The following PCDHA8 variants were observed in gnomAD, a reference collection of about 807,000 sequenced individuals.
PCDHA8 encodes the protein protocadherin alpha 8, also known as protocadherin alpha-8.
In PCDHA8, 53 loss-of-function variants were observed where a neutral mutation model predicts 61.8. The ratio of observed to expected loss-of-function variants is 0.86; its 90% CI spans 0.69 to 1.08. The LOEUF is 1.08. Ranked by LOEUF, PCDHA8 falls within the 50% of genes least tolerant of loss-of-function variation. PCDHA8 has a pLI of 0.00. For synonymous variants in PCDHA8, 618 were observed against 556.6 expected (o/e 1.11, Z -1.55); for missense variants, 1,293 against 1,245.0 (o/e 1.04, Z -0.58).
chr5:140,999,537 C>G, intron 3 of PCDHA8, among the ~76,000 whole-genome samples: 1 of 152,266 alleles, frequency 6.6e-6, no homozygotes, highest in Non-Finnish European at 1.5e-5. Context: ...CTGGATATGA[C>G]AGCCAATGAA....
At chr5:140,986,951 T>C (rs1421822972) in intron 3 of PCDHA8, among the ~76,000 whole-genome samples, 1 of 152,128 alleles carries the variant, frequency 6.6e-6, no homozygotes, top group Non-Finnish European at 1.5e-5. Context: ...TGGTCGCTCA[T>C]GCCTGTAATT....
At position 140,850,209 on chromosome 5, in the gene PCDHA8, G is replaced by C. The variant is rs17844333; in HGVS notation, c.2394+6494G>C. ...GGCGCTGCTGACACCTCGGATGAGG[G>C]GCACTGACGGCGCAGTGAGCGAGAT... On this transcript the variant is annotated intron_variant, in intron 1 of 3. Coordinates refer to ENST00000531613, the MANE Select transcript of PCDHA8 (RefSeq NM_018911.3). 7.0e-3 allele frequency: 11,231 copies of C among 1,593,568 alleles called. 1,600 individuals carry two copies. The Admixed American group carries it at 0.15, about 21-fold the overall frequency.
At chr5:140,979,525 T>A (rs1347519268) in intron 2 of PCDHA8, among the ~76,000 whole-genome samples, 1 of 152,244 alleles carries the variant, frequency 6.6e-6, no homozygotes, top group Non-Finnish European at 1.5e-5. Flanking sequence ...TGTTGCTATC[T>A]TATTGTCATC....
In PCDHA8 at chr5:140,855,370, A is replaced by C. The variant is rs1007316942; in HGVS notation, c.2394+11655A>C. Among the ~76,000 whole-genome samples the C allele has an allele frequency of 2.7e-5, 4 of 150,058 alleles. 1 individual carries two copies. Among genetic ancestry groups the C allele is most frequent in the Non-Finnish European group, 6.0e-5 (4 of 67,120 alleles). On this transcript the variant is annotated intron_variant, in intron 1 of 3. Transcript: ENST00000531613. ...AGTCATGTGGCTAGTGAGTAGGATA[A>C]TAGGAATCTAAATGGAGAAATGTCT...
At chr5:140,999,049 A>G (rs962383659) in intron 3 of PCDHA8, among the ~76,000 whole-genome samples, 2 of 152,332 alleles carry the variant, frequency 1.3e-5, no homozygotes, top group Non-Finnish European at 2.9e-5. Context: ...TGTGCTTTCC[A>G]CCATGCCTAA....
intron 1 of PCDHA8, chr5:140,966,926 C>G (rs782811757): frequency 1.9e-6 from 3 of 1,603,462 alleles, no homozygotes; most frequent in Admixed American, 1.7e-5. Flanking sequence ...GGAGCAGGCA[C>G]CCGGCGCGCT....
Position 140,940,419 on chromosome 5 carries a change from A to G in PCDHA8, c.2395-38530A>G, listed in dbSNP as rs890018340. Among the ~76,000 whole-genome samples, 3 of 152,002 alleles carry G rather than the reference A, an allele frequency of 2.0e-5. No homozygotes were observed. The East Asian group carries it at 5.8e-4, about 29-fold the overall frequency. ...GTTTTTCATTTTAAAAATTATAATT[A>G]TTACTGATCAAGTCTGCCATGATAT... On this transcript the variant is annotated intron_variant, in intron 1 of 3. Transcript: ENST00000531613.
At chr5:140,971,435 T>A (rs1188604248) in intron 1 of PCDHA8, among the ~76,000 whole-genome samples, 1 of 152,190 alleles carries the variant, frequency 6.6e-6, no homozygotes, top group Non-Finnish European at 1.5e-5. Flanking sequence ...AACCCCAAGA[T>A]CTACAGCTCC....
At chr5:140,879,208 A>C (rs546096733) in intron 1 of PCDHA8, among the ~76,000 whole-genome samples, 1 of 152,362 alleles carries the variant, frequency 6.6e-6, no homozygotes, top group East Asian at 1.9e-4. Context: ...ATGGCAGTAG[A>C]AATGAATTGA....
chr5:140,977,122 AG>A (rs2096747423), intron 1 of PCDHA8, among the ~76,000 whole-genome samples: 1 of 152,226 alleles, frequency 6.6e-6, no homozygotes, highest in South Asian at 2.1e-4. Flanking sequence ...TAATGAACTG[AG>A]TTTCCTGGTC....
rs1356851691 is a variant in PCDHA8 at position 140,842,933 on chromosome 5, C to A, written c.1612C>A (p.Arg538Ser). The A allele has an allele frequency of 3.8e-6, 6 of 1,594,424 alleles. No individual in the cohort carries two copies. The highest frequency in any genetic ancestry group is 4.3e-6 in the Non-Finnish European group (5 of 1,165,458). ...GCTGCTGCAGTTCCAGGTGAGCGCG[C>A]GCGACGCGGGCGTGCCGCCTCTGGG... Reference protein sequence around the residue: ...LELLQFQVSARDAGVPPLGSN... With the variant: ...LELLQFQVSASDAGVPPLGSN... Residue 538 changes from arginine to serine, a missense_variant, in exon 1 of 4, where the codon CGC (arginine) becomes AGC (serine). Physicochemically the swap from Arg to Ser is moderately radical, Grantham distance 110. Transcript: ENST00000531613.
intron 1 of PCDHA8, among the ~76,000 whole-genome samples, chr5:140,905,788 G>T (rs1217429620): frequency 2.6e-5 from 4 of 152,046 alleles, no homozygotes; most frequent in Non-Finnish European, 4.4e-5. Flanking sequence ...ATTAGTCAGG[G>T]TTCTCTAGAG....
rs2150356889 is a variant in PCDHA8 at position 140,843,304 on chromosome 5, C to G, written c.1983C>G (p.Ala661=). 2.5e-6 allele frequency: 4 copies of G among 1,595,876 alleles called. No individual in the cohort carries two copies. Among genetic ancestry groups the G allele is most frequent in the Middle Eastern group, 1.7e-4 (1 of 6,020 alleles). The change falls in exon 1 of 4, where the codon GCC becomes GCG. Residue 661 remains alanine (A), a synonymous_variant. Coordinates refer to ENST00000531613, the MANE Select transcript of PCDHA8 (RefSeq NM_018911.3). ...VKDHGEPALT[A]TATVLVSLVE... Reference sequence around the variant, plus strand: ...ATCATGGTGAACCTGCGCTGACCGCCACGGCCACGGTTCTGGTGTCGCTGG... The same window carrying G: ...ATCATGGTGAACCTGCGCTGACCGCGACGGCCACGGTTCTGGTGTCGCTGG...
chr5:140,929,614 A>G (rs1554207224), intron 1 of PCDHA8: 1 of 405,948 alleles, frequency 2.5e-6, no homozygotes, highest in African/African-American at 2.1e-5. Context: ...ATAAAATACC[A>G]AAATATTTTA....
At chr5:140,871,380 T>G in intron 1 of PCDHA8, 1 of 1,614,184 alleles carries the variant, frequency 6.2e-7, no homozygotes, top group East Asian at 2.2e-5. Context: ...GGGTGTGCTC[T>G]GAGGAGGGCC....
chr5:140,881,837 A>G (rs1554172601), intron 1 of PCDHA8, among the ~76,000 whole-genome samples: 1 of 152,238 alleles, frequency 6.6e-6, no homozygotes, highest in Admixed American at 6.5e-5. Flanking sequence ...TTCTGCATGG[A>G]ATTCTTACAC....
At chr5:140,992,095 G>T (rs1554252652) in intron 3 of PCDHA8, among the ~76,000 whole-genome samples, 1 of 151,540 alleles carries the variant, frequency 6.6e-6, no homozygotes, top group East Asian at 1.9e-4. Context: ...TAGAGAAAGA[G>T]AATTAAGGTG....
chr5:140,973,863 T>C (rs868937124), intron 1 of PCDHA8, among the ~76,000 whole-genome samples: 1 of 152,224 alleles, frequency 6.6e-6, no homozygotes. Context: ...TTGCTCTCAA[T>C]GAGAGGTCAG....
chr5:140,858,158 G>T lies in PCDHA8; in HGVS notation c.2394+14443G>T, dbSNP rs781899082. The T allele has an allele frequency of 5.6e-6, 9 of 1,597,732 alleles. 3 individuals carry two copies. Among genetic ancestry groups the T allele is most frequent in the Non-Finnish European group, 7.7e-6 (9 of 1,167,532 alleles). ...CGTGTACCTGATCATCGCCATCTGC[G>T]CGGTGTCCAGCTTGCTGGTGCTCAC... On this transcript the variant is annotated intron_variant, in intron 1 of 3. Coordinates refer to ENST00000531613, the MANE Select transcript of PCDHA8 (RefSeq NM_018911.3).
Sources: allele counts gnomAD v4.1 joint callset (sites outside exome capture counted in the v4.1 genomes callset), GRCh38; gene constraint gnomAD v4.1.1; transcripts MANE v1.5; gene names NCBI Gene and HGNC (gene_info 2026-07-23, HGNC 2026-07-21).